Variants in WAC observed in about 807,000 individuals in gnomAD.
WAC encodes the protein WW domain-containing adapter protein with coiled-coil.
A neutral mutation model predicts 79.6 loss-of-function variants in WAC; 11 were observed. The observed-to-expected ratio is 0.14, with a 90% confidence interval of 0.09 to 0.23. WAC has a LOEUF of 0.23. Ranked by LOEUF, WAC falls within the 10% of genes least tolerant of loss-of-function variation. The probability of loss-of-function intolerance (pLI) is 1.00; values close to 1 mark genes in which losing one functional copy is unlikely to be tolerated. For synonymous variants in WAC, 304 were observed against 276.9 expected (o/e 1.10, Z -0.97); for missense variants, 728 against 773.5 (o/e 0.94, Z 0.70).
chr10:28,594,803 G>T (rs946300557), intron 6 of WAC, among the ~76,000 whole-genome samples: 2 of 152,158 alleles, frequency 1.3e-5, no homozygotes, highest in African/African-American at 2.4e-5. Flanking sequence ...CTCCTTGGAG[G>T]TTATTTTAAT....
intron 3 of WAC, among the ~76,000 whole-genome samples, chr10:28,578,154 C>T (rs1311474783): frequency 1.3e-5 from 2 of 151,618 alleles, no homozygotes; most frequent in African/African-American, 4.8e-5. Flanking sequence ...GAGATCCTGT[C>T]TCAAAACAAA....
intron 3 of WAC, among the ~76,000 whole-genome samples, chr10:28,566,437 T>C (rs1838619141): frequency 6.6e-6 from 1 of 152,226 alleles, no homozygotes; most frequent in African/African-American, 2.4e-5. Context: ...GAGTGGCTAT[T>C]GATCTCAGAC....
At chr10:28,606,794 C>T (rs961334147) in intron 7 of WAC, among the ~76,000 whole-genome samples, 1 of 152,024 alleles carries the variant, frequency 6.6e-6, no homozygotes, top group Non-Finnish European at 1.5e-5. Context: ...AGGGTGTGTA[C>T]CTAAAGGGGA....
chr10:28,573,040 G>A (rs1469786607), intron 3 of WAC, among the ~76,000 whole-genome samples: 1 of 152,102 alleles, frequency 6.6e-6, no homozygotes, highest in Non-Finnish European at 1.5e-5. Context: ...CAGATTGCCT[G>A]ATTGCTAGTC....
At chr10:28,555,304 C>G (rs1382799685) in intron 3 of WAC, among the ~76,000 whole-genome samples, 1 of 152,150 alleles carries the variant, frequency 6.6e-6, no homozygotes. Context: ...CCTTATATCT[C>G]TGAGTTATGC....
intron 3 of WAC, among the ~76,000 whole-genome samples, chr10:28,577,491 C>T (rs1839304968): frequency 6.6e-6 from 1 of 152,102 alleles, no homozygotes. Context: ...TTGCAGAATT[C>T]AGTCTTTTCA....
intron 7 of WAC, among the ~76,000 whole-genome samples, chr10:28,599,168 A>AT (rs531723359): frequency 6.8e-4 from 104 of 152,328 alleles, no homozygotes; most frequent in African/African-American, 2.3e-3. Flanking sequence ...GATTAAAATG[A>AT]TTAAAACAAG....
chr10:28,563,065 T>G (rs1838384985), intron 3 of WAC, among the ~76,000 whole-genome samples: 1 of 152,186 alleles, frequency 6.6e-6, no homozygotes, highest in South Asian at 2.1e-4. Context: ...AGCATGACTC[T>G]TTTATTCAAT....
At chr10:28,543,533 T>C (rs1837177742) in intron 3 of WAC, among the ~76,000 whole-genome samples, 1 of 152,240 alleles carries the variant, frequency 6.6e-6, no homozygotes, top group Non-Finnish European at 1.5e-5. Context: ...ACAATGCGGT[T>C]CTGAGGAATG....
In WAC at chr10:28,622,505, T is replaced by C. The variant is rs751690774; in HGVS notation, c.*2899T>C. The C allele has an allele frequency of 6.3e-5, 9 of 143,368 alleles. No homozygotes were observed. The highest frequency in any genetic ancestry group is 9.0e-5 in the Non-Finnish European group (6 of 66,814). The allele number at this position is 143,368 out of a possible 1,614,324, so 8.9% of individuals were successfully genotyped here. ...AAAATGTCGTGGTATTGTAACAATA[T>C]ATTTGATGAAAGAAGGTTACAGACT... On this transcript the variant is annotated 3_prime_UTR_variant, in exon 14 of 14. Transcript: ENST00000354911.
At position 28,621,088 on chromosome 10, in the gene WAC, G is replaced by C. The variant is rs907750166; in HGVS notation, c.*1482G>C. 2.0e-5 allele frequency: 3 copies of C among 150,786 alleles called. No individual in the cohort carries two copies. The highest frequency in any genetic ancestry group is 7.3e-5 in the African/African-American group (3 of 41,012). 9.3% of individuals were successfully genotyped at this position (150,786 alleles called of 1,614,324 possible). A position where few individuals can be genotyped will look rare whatever the true frequency, so the allele number is the denominator to read the frequency against. ...AATGTATCAAATCACAAGGGTTTCC[G>C]CATGAAAAAAATCTTTTCTTCCCCC... On this transcript the variant is annotated 3_prime_UTR_variant, in exon 14 of 14. Coordinates refer to ENST00000354911, the MANE Select transcript of WAC (RefSeq NM_016628.5).
chr10:28,619,279 C>T (rs1276853366), intron 13 of WAC, among the ~76,000 whole-genome samples: 1 of 152,052 alleles, frequency 6.6e-6, no homozygotes, highest in African/African-American at 2.4e-5. Flanking sequence ...GACTCTGTCT[C>T]AAAAAATAAA....
At chr10:28,597,392 CAGTT>C (rs1840432287) in intron 7 of WAC, among the ~76,000 whole-genome samples, 1 of 152,138 alleles carries the variant, frequency 6.6e-6, no homozygotes, top group South Asian at 2.1e-4. Flanking sequence ...CAATCCTTGT[CAGTT>C]AAAATTCTGA....
chr10:28,556,539 T>A (rs141847629), intron 3 of WAC, among the ~76,000 whole-genome samples: 2 of 152,016 alleles, frequency 1.3e-5, no homozygotes, highest in East Asian at 1.9e-4. Context: ...TTTTCTTTTT[T>A]TCGTGCAAGA....
chr10:28,570,701 A>G (rs752399226), intron 3 of WAC, among the ~76,000 whole-genome samples: 32 of 152,198 alleles, frequency 2.1e-4, no homozygotes, highest in Admixed American at 1.6e-3. Context: ...GAGACAGACA[A>G]TATAAAATAT....
chr10:28,617,973 A>C, intron 13 of WAC, 189 bp downstream of exon 13: 1 of 547,888 alleles, frequency 1.8e-6, no homozygotes, highest in Non-Finnish European at 2.8e-6. Flanking sequence ...TTTTCTCTTA[A>C]CCCATGATGA....
intron 7 of WAC, among the ~76,000 whole-genome samples, chr10:28,599,757 C>T (rs1257909916): frequency 6.6e-6 from 1 of 152,106 alleles, no homozygotes; most frequent in African/African-American, 2.4e-5. Context: ...AGCTGCAGAG[C>T]TCTTTTATTT....
chr10:28,561,023 A>C (rs1395356245), intron 3 of WAC, among the ~76,000 whole-genome samples: 1 of 152,180 alleles, frequency 6.6e-6, no homozygotes, highest in African/African-American at 2.4e-5. Context: ...GAGAATGTCT[A>C]CTGAATGCCA....
At position 28,611,754 on chromosome 10, in the gene WAC, ATTGCTTCCCTC is replaced by A; in HGVS notation, c.1289-17_1289-7del. 6.9e-6 allele frequency: 11 copies of A among 1,600,292 alleles called. No individual in the cohort carries two copies. The South Asian group carries it at 1.2e-4, about 18-fold the overall frequency. ...TTTGTTTTGTTTTTCTTTAAAATTA[ATTGCTTCCCTC>A]TTTTACAGCCCAGCCATCTAATCAG... On this transcript the variant is annotated splice_polypyrimidine_tract_variant and intron_variant, in intron 9 of 13. Transcript: ENST00000354911.
Sources: gnomAD v4.1 joint callset for allele counts (sites outside exome capture counted in the v4.1 genomes callset) on GRCh38, gnomAD v4.1.1 for gene constraint, MANE v1.5 for transcripts, NCBI Gene and HGNC (gene_info 2026-07-23, HGNC 2026-07-21) for gene names.